The following COL25A1 variants were observed in gnomAD, a reference collection of about 807,000 sequenced individuals.
COL25A1 encodes the protein collagen alpha-1(XXV) chain.
COL25A1 carries 103 observed loss-of-function variants against 128.4 expected under a neutral mutation model. The ratio of observed to expected loss-of-function variants is 0.80; its 90% CI spans 0.68 to 0.94. The LOEUF is 0.94. Among genes scored for constraint, COL25A1 ranks in the 40% least tolerant of loss-of-function variants. The probability of loss-of-function intolerance (pLI) is 0.00; values close to 1 mark genes in which losing one functional copy is unlikely to be tolerated. For synonymous variants in COL25A1, 279 were observed against 277.2 expected, an observed-to-expected ratio of 1.01 and a Z score of -0.06; for missense variants, 745 against 840.0, an observed-to-expected ratio of 0.89 and a Z score of 1.40.
intron 3 of COL25A1, among the ~76,000 whole-genome samples, chr4:109,295,493 C>T (rs1724887989): frequency 6.6e-6 from 1 of 151,596 alleles, no homozygotes; most frequent in Non-Finnish European, 1.5e-5. Context: ...CTGTTTCTGA[C>T]TATGCTTTAC....
At position 108,818,664 on chromosome 4, in the gene COL25A1, G is replaced by C. The variant is rs372090312; in HGVS notation, c.1923+588C>G. 2.6e-5 allele frequency among the ~76,000 whole-genome samples: 4 copies of C among 152,196 alleles called. No homozygotes were observed. In the East Asian group the frequency reaches 5.8e-4, roughly 22 times the overall value. ...AAAGGAGAGACCATTAAACTGAAAA[G>C]GTTATGTGGCAAAGAAGAAGGTTGG... On this transcript the variant is annotated intron_variant, in intron 36 of 37. Transcript: ENST00000399132.
chr4:108,872,709 T>C (rs199704793), intron 19 of COL25A1, among the ~76,000 whole-genome samples: 13 of 136,278 alleles, frequency 9.5e-5, no homozygotes, highest in East Asian at 7.4e-4. Context: ...CACACACACA[T>C]ATACATATAT....
intron 3 of COL25A1, among the ~76,000 whole-genome samples, chr4:109,167,178 T>G (rs1773151259): frequency 6.6e-6 from 1 of 152,172 alleles, no homozygotes; most frequent in Non-Finnish European, 1.5e-5. Flanking sequence ...ACATCTTAAG[T>G]AGGTTTAAAT....
At chr4:109,253,655 A>G (rs1473222528) in intron 3 of COL25A1, among the ~76,000 whole-genome samples, 1 of 152,224 alleles carries the variant, frequency 6.6e-6, no homozygotes, top group East Asian at 1.9e-4. Context: ...TCAAAAATTC[A>G]TAAACATTTA....
intron 3 of COL25A1, among the ~76,000 whole-genome samples, chr4:109,164,244 C>T (rs1225525803): frequency 6.6e-6 from 1 of 152,078 alleles, no homozygotes; most frequent in African/African-American, 2.4e-5. Context: ...TTTTCCTATT[C>T]ACTGCTTGAT....
intron 3 of COL25A1, among the ~76,000 whole-genome samples, chr4:109,192,625 C>T (rs955793667): frequency 6.6e-6 from 1 of 152,062 alleles, no homozygotes; most frequent in Non-Finnish European, 1.5e-5. Flanking sequence ...GAGGTCGAGG[C>T]GGCAGATCAC....
intron 8 of COL25A1, among the ~76,000 whole-genome samples, chr4:108,949,989 G>A (rs572943206): frequency 1.2e-4 from 18 of 152,280 alleles, no homozygotes; most frequent in African/African-American, 3.9e-4. Context: ...CAGGCTTTAC[G>A]GAGCTTAGAA....
At chr4:109,016,226 A>G (rs1281369745) in intron 5 of COL25A1, among the ~76,000 whole-genome samples, 1 of 152,168 alleles carries the variant, frequency 6.6e-6, no homozygotes, top group Non-Finnish European at 1.5e-5. Flanking sequence ...GACACTCACA[A>G]CCAAGCTGGG....
intron 3 of COL25A1, among the ~76,000 whole-genome samples, chr4:109,297,895 G>A (rs758608179): frequency 2.0e-4 from 17 of 85,392 alleles, no homozygotes; most frequent in Non-Finnish European, 3.4e-4. Flanking sequence ...TTTTTTTGCC[G>A]ATGAGGAAAT....
At chr4:109,211,090 G>A (rs1777463727) in intron 3 of COL25A1, among the ~76,000 whole-genome samples, 1 of 151,466 alleles carries the variant, frequency 6.6e-6, no homozygotes, top group Admixed American at 6.6e-5. Context: ...CATTATCTAG[G>A]TGACAAAATT....
intron 4 of COL25A1, 79 bp from the exon 5 acceptor site, chr4:109,048,254 T>C (rs1187939063): frequency 2.1e-5 from 28 of 1,350,660 alleles, no homozygotes; most frequent in East Asian, 4.6e-5. Flanking sequence ...AAACAAAAGA[T>C]ATGAGCATAA....
At chr4:108,889,482 A>G (rs1054198727) in intron 17 of COL25A1, among the ~76,000 whole-genome samples, 2 of 151,810 alleles carry the variant, frequency 1.3e-5, no homozygotes, top group Non-Finnish European at 2.9e-5. Flanking sequence ...CATTTCCATA[A>G]AAACCAATCA....
intron 8 of COL25A1, among the ~76,000 whole-genome samples, chr4:108,947,066 A>G (rs1014062905): frequency 2.0e-5 from 3 of 152,152 alleles, no homozygotes; most frequent in African/African-American, 7.2e-5. Flanking sequence ...GTAGTTATGA[A>G]TCATGAATTC....
chr4:108,966,721 T>G (rs1204809579), intron 8 of COL25A1, among the ~76,000 whole-genome samples: 1 of 151,778 alleles, frequency 6.6e-6, no homozygotes, highest in South Asian at 2.1e-4. Flanking sequence ...CATGGTAGTG[T>G]GTGCCTGTAG....
intron 6 of COL25A1, among the ~76,000 whole-genome samples, chr4:109,004,886 CAA>C (rs1755815233): frequency 6.6e-6 from 1 of 152,096 alleles, no homozygotes; most frequent in African/African-American, 2.4e-5. Context: ...AACAGCTTAA[CAA>C]AGAGAATGTT....
intron 5 of COL25A1, among the ~76,000 whole-genome samples, chr4:109,022,702 G>A (rs1370468293): frequency 1.3e-5 from 2 of 152,168 alleles, no homozygotes; most frequent in South Asian, 2.1e-4. Flanking sequence ...GCCACATAGG[G>A]TAAGTGTGGA....
At chr4:108,970,499 C>T (rs1014017135) in intron 8 of COL25A1, among the ~76,000 whole-genome samples, 3 of 152,118 alleles carry the variant, frequency 2.0e-5, no homozygotes, top group African/African-American at 7.2e-5. Context: ...AATATGTATA[C>T]ATCATGCGAT....
chr4:109,000,090 A>G (rs1371082370), intron 6 of COL25A1, among the ~76,000 whole-genome samples: 1 of 152,156 alleles, frequency 6.6e-6, no homozygotes, highest in African/African-American at 2.4e-5. Context: ...CATTGTACAC[A>G]TGTGCCCTAG....
At chr4:108,875,890 G>T (rs1351300392) in intron 19 of COL25A1, among the ~76,000 whole-genome samples, 2 of 152,040 alleles carry the variant, frequency 1.3e-5, no homozygotes, top group Non-Finnish European at 2.9e-5. Flanking sequence ...CCATAAAAAA[G>T]GATGAGTTCA....
Sources: allele counts gnomAD v4.1 joint callset (sites outside exome capture counted in the v4.1 genomes callset), GRCh38; gene constraint gnomAD v4.1.1; transcripts MANE v1.5; gene names NCBI Gene and HGNC (gene_info 2026-07-23, HGNC 2026-07-21).